MAGI1: variants seen among roughly 807,000 people sequenced by gnomAD.
The protein encoded by MAGI1 is membrane associated guanylate kinase, WW and PDZ domain containing 1, also known as membrane-associated guanylate kinase, WW and PDZ domain-containing protein 1.
A neutral mutation model predicts 139.9 loss-of-function variants in MAGI1; 58 were observed. That is an observed-to-expected ratio of 0.41 (90% confidence interval 0.34 to 0.52). The LOEUF (loss-of-function observed/expected upper bound fraction) is 0.52. MAGI1 is among the 20% of genes least tolerant of loss of function. MAGI1 has a pLI of 0.12. For synonymous variants in MAGI1, 812 were observed against 737.9 expected, an observed-to-expected ratio of 1.10 and a Z score of -1.63; for missense variants, 1,874 against 1,901.6, an observed-to-expected ratio of 0.99 and a Z score of 0.27.
At chr3:65,666,439 A>G (rs1347438198) in intron 1 of MAGI1, among the ~76,000 whole-genome samples, 1 of 152,244 alleles carries the variant, frequency 6.6e-6, no homozygotes, top group South Asian at 2.1e-4. Context: ...TCCACTGAAC[A>G]CAAGTCAGAG....
chr3:65,841,746 T>C (rs1308744993), intron 1 of MAGI1, among the ~76,000 whole-genome samples: 1 of 152,122 alleles, frequency 6.6e-6, no homozygotes, highest in Non-Finnish European at 1.5e-5. Flanking sequence ...TTTTCTAATA[T>C]AAGCATTTAG....
At position 65,887,936 on chromosome 3, in the gene MAGI1, T is replaced by C. The variant is rs191737702; in HGVS notation, c.313+150060A>G. Among the ~76,000 whole-genome samples, 232 of 152,316 alleles carry C rather than the reference T, an allele frequency of 1.5e-3. 1 individual carries two copies. Among genetic ancestry groups the C allele is most frequent in the African/African-American group, 5.3e-3 (222 of 41,574 alleles). ...TAACATCATATTCATCGTTAGCAAC[T>C]ATTAGAACCTGTATATTACACTCTC... On this transcript the variant is annotated intron_variant, in intron 1 of 22. Coordinates refer to ENST00000402939, the MANE Select transcript of MAGI1 (RefSeq NM_001033057.2).
At chr3:65,806,132 T>G (rs1463375385) in intron 1 of MAGI1, among the ~76,000 whole-genome samples, 2 of 152,126 alleles carry the variant, frequency 1.3e-5, no homozygotes, top group Non-Finnish European at 2.9e-5. Context: ...TTAAAAATTT[T>G]TTTCAAAAAT....
intron 6 of MAGI1, 195 bp downstream of exon 6, chr3:65,453,063 T>A: frequency 5.1e-6 from 3 of 585,310 alleles, no homozygotes; most frequent in Non-Finnish European, 6.1e-6. Context: ...TGTCTTTATG[T>A]GTAAACAAAT....
At chr3:65,653,975 T>G (rs2085727546) in intron 1 of MAGI1, among the ~76,000 whole-genome samples, 1 of 152,074 alleles carries the variant, frequency 6.6e-6, no homozygotes, top group Admixed American at 6.6e-5. Context: ...GCAAGGCAAA[T>G]GAACTAGAAA....
chr3:65,750,334 T>C (rs1181429457), intron 1 of MAGI1, among the ~76,000 whole-genome samples: 1 of 152,142 alleles, frequency 6.6e-6, no homozygotes, highest in Non-Finnish European at 1.5e-5. Context: ...CAGGGATTTA[T>C]ACGTACAGTG....
At chr3:65,635,038 A>T (rs1240818601) in intron 1 of MAGI1, among the ~76,000 whole-genome samples, 2 of 152,086 alleles carry the variant, frequency 1.3e-5, no homozygotes, top group African/African-American at 4.8e-5. Flanking sequence ...TGTTTTTTCA[A>T]CACTAGCGTG....
chr3:65,928,144 T>C (rs751768835), intron 1 of MAGI1, among the ~76,000 whole-genome samples: 1 of 152,194 alleles, frequency 6.6e-6, no homozygotes, highest in African/African-American at 2.4e-5. Flanking sequence ...CAGTGTTCAC[T>C]GATGCACCCC....
intron 13 of MAGI1, among the ~76,000 whole-genome samples, chr3:65,399,068 A>C (rs184543505): frequency 2.0e-5 from 3 of 152,138 alleles, no homozygotes; most frequent in Non-Finnish European, 4.4e-5. Flanking sequence ...CATTGTCAGG[A>C]GCCTCTAATA....
chr3:65,488,971 C>T (rs1034540979), intron 3 of MAGI1, among the ~76,000 whole-genome samples: 1 of 152,190 alleles, frequency 6.6e-6, no homozygotes, highest in African/African-American at 2.4e-5. Flanking sequence ...CCACGCCCAG[C>T]AAAATTGTTT....
chr3:65,882,446 G>A (rs777278766), intron 1 of MAGI1, among the ~76,000 whole-genome samples: 9 of 152,062 alleles, frequency 5.9e-5, no homozygotes, highest in Non-Finnish European at 1.3e-4. Flanking sequence ...CTCAAATTCA[G>A]GAAGAGTATG....
intron 5 of MAGI1, among the ~76,000 whole-genome samples, chr3:65,465,843 C>T (rs574389380): frequency 6.6e-6 from 1 of 152,272 alleles, no homozygotes; most frequent in Admixed American, 6.5e-5. Context: ...CCCTGGGACT[C>T]CAATGAAATA....
chr3:65,717,394 C>T (rs529066691), intron 1 of MAGI1: 1 of 152,236 alleles, frequency 6.6e-6, no homozygotes, highest in Admixed American at 6.5e-5. Flanking sequence ...GAACATGTTT[C>T]CAGCACGAGA....
At chr3:65,605,427 G>A (rs1349522276) in intron 2 of MAGI1, among the ~76,000 whole-genome samples, 1 of 152,208 alleles carries the variant, frequency 6.6e-6, no homozygotes, top group African/African-American at 2.4e-5. Context: ...AAAGGGGGGA[G>A]AAATTATAGA....
At chr3:65,891,381 C>A (rs527375238) in intron 1 of MAGI1, among the ~76,000 whole-genome samples, 1 of 152,000 alleles carries the variant, frequency 6.6e-6, no homozygotes, top group African/African-American at 2.4e-5. Flanking sequence ...ATATGCCAGG[C>A]GCTACCACCC....
chr3:65,635,815 A>T (rs929507610), intron 1 of MAGI1, among the ~76,000 whole-genome samples: 2 of 152,236 alleles, frequency 1.3e-5, no homozygotes, highest in African/African-American at 4.8e-5. Context: ...CTGTATTCTA[A>T]TATGATCTGA....
chr3:65,443,783 A>T (rs1392773938), intron 7 of MAGI1, among the ~76,000 whole-genome samples: 2 of 152,220 alleles, frequency 1.3e-5, no homozygotes, highest in Non-Finnish European at 2.9e-5. Context: ...CTTATGTAAC[A>T]CCACACTCTA....
intron 1 of MAGI1, among the ~76,000 whole-genome samples, chr3:65,908,136 C>T (rs767588485): frequency 1.3e-5 from 2 of 152,128 alleles, no homozygotes; most frequent in Non-Finnish European, 2.9e-5. Context: ...TCCAAAATAA[C>T]AGAAGACATC....
intron 2 of MAGI1, among the ~76,000 whole-genome samples, chr3:65,558,393 T>A (rs1178991869): frequency 6.6e-6 from 1 of 152,184 alleles, no homozygotes; most frequent in Non-Finnish European, 1.5e-5. Flanking sequence ...GCACACAATG[T>A]TTAATCAAAG....
Sources: allele counts gnomAD v4.1 joint callset (sites outside exome capture counted in the v4.1 genomes callset), GRCh38; gene constraint gnomAD v4.1.1; transcripts MANE v1.5; gene names NCBI Gene and HGNC (gene_info 2026-07-23, HGNC 2026-07-21).